The following PLOD1 variants were observed in gnomAD, a reference collection of about 807,000 sequenced individuals.
PLOD1 encodes the protein procollagen-lysine,2-oxoglutarate 5-dioxygenase 1.
In PLOD1, 70 loss-of-function variants were observed where a neutral mutation model predicts 94.7. The ratio of observed to expected loss-of-function variants is 0.74; its 90% CI spans 0.61 to 0.90. The LOEUF (loss-of-function observed/expected upper bound fraction) is 0.90, where lower values mean the gene tolerates loss of function less well. PLOD1 is among the 40% of genes least tolerant of loss of function. The probability of loss-of-function intolerance (pLI) is 0.00; values close to 1 mark genes in which losing one functional copy is unlikely to be tolerated. For synonymous variants in PLOD1, 417 were observed against 400.2 expected (o/e 1.04, Z -0.50); for missense variants, 905 against 972.7 (o/e 0.93, Z 0.93).
chr1:11,974,883 G>T lies in PLOD1; in HGVS notation c.*75G>T, dbSNP rs1645893577. 1 of 1,476,532 alleles carries T rather than the reference G, an allele frequency of 6.8e-7. No homozygotes were observed. The highest frequency in any genetic ancestry group is 2.3e-5 in the East Asian group (1 of 44,238). 91.5% of individuals were successfully genotyped at this position (1,476,532 alleles called of 1,614,324 possible). A position where few individuals can be genotyped will look rare whatever the true frequency, so the allele number is the denominator to read the frequency against. On this transcript the variant is annotated 3_prime_UTR_variant, in exon 19 of 19. Coordinates refer to ENST00000196061, the MANE Select transcript of PLOD1 (RefSeq NM_000302.4). ...GCCCAGCAGCCTCTGGGACCTCGGG[G>T]TCCCAGGGAACCCAGTCCAGCCTCC...
rs77293127 is a variant in PLOD1 at position 11,939,374 on chromosome 1, G to A, written c.76+4519G>A. ...GGATGAAGGATGGGGGAGGGGAGAG[G>A]GCGGAAGGGCTTCATTCATTCCCGC... On this transcript the variant is annotated intron_variant, in intron 1 of 18. Transcript: ENST00000196061. Among the ~76,000 whole-genome samples, 264 of 152,222 alleles carry A rather than the reference G, an allele frequency of 1.7e-3. 2 individuals are homozygous for A. The highest frequency in any genetic ancestry group is 5.5e-3 in the African/African-American group (227 of 41,526).
chr1:11,942,853 T>G (rs1645624139), intron 1 of PLOD1, among the ~76,000 whole-genome samples: 1 of 152,078 alleles, frequency 6.6e-6, no homozygotes, highest in South Asian at 2.1e-4. Context: ...TTCCACAACC[T>G]CTCTTGTGAT....
chr1:11,969,820 C>T (rs1645847940), intron 16 of PLOD1, among the ~76,000 whole-genome samples: 1 of 152,174 alleles, frequency 6.6e-6, no homozygotes, highest in Admixed American at 6.5e-5. Context: ...TCAGTATCCT[C>T]CTTTAGCCAG....
intron 3 of PLOD1, 63 bp from the exon 4 acceptor site, chr1:11,950,294 G>GTGCCCTCACTGGGCCCC: frequency 6.6e-7 from 1 of 1,513,070 alleles, no homozygotes; most frequent in Non-Finnish European, 9.2e-7. Flanking sequence ...CCTCCTGTCT[G>GTGCCCTCACTGGGCCCC]TGCCCTCACT....
chr1:11,952,594 T>C (rs1645710646), intron 4 of PLOD1, 29 bp from the exon 5 acceptor site: 1 of 1,530,076 alleles, frequency 6.5e-7, no homozygotes, highest in African/African-American at 1.4e-5. Flanking sequence ...TAAGGGTCCG[T>C]CTTGGTGTCC....
In PLOD1 at chr1:11,936,085, T is replaced by C. The variant is rs145831088; in HGVS notation, c.76+1230T>C. Among the ~76,000 whole-genome samples, 260 of 152,234 alleles carry C rather than the reference T, an allele frequency of 1.7e-3. 6 individuals are homozygous for C. The East Asian group carries it at 0.045, about 26-fold the overall frequency. On this transcript the variant is annotated intron_variant, in intron 1 of 18. Coordinates refer to ENST00000196061, the MANE Select transcript of PLOD1 (RefSeq NM_000302.4). ...CTCAGGTGATCAGCCCACCTTGGTC[T>C]CCCAAAGTGTTGGGATTACAGGCGT...
chr1:11,953,174 G>A (rs773923051), intron 5 of PLOD1, among the ~76,000 whole-genome samples: 9 of 152,092 alleles, frequency 5.9e-5, no homozygotes, highest in Non-Finnish European at 5.9e-5. Flanking sequence ...TCGAGCCTCA[G>A]CGTCTCGAGT....
chr1:11,939,575 A>C (rs1006587687), intron 1 of PLOD1, among the ~76,000 whole-genome samples: 1 of 152,114 alleles, frequency 6.6e-6, no homozygotes, highest in Non-Finnish European at 1.5e-5. Context: ...CGCACACCCC[A>C]ACCAAGCCCT....
In PLOD1 at chr1:11,963,535, C is replaced by T; in HGVS notation, c.1101C>T (p.Asp367=). The part of the protein sequence containing the change: ...ANADARNMGA[D]LCRQDRSCTY... ...CCCTGTGTCCTCCTCCTTGCAGAGACCTGTGCCGGCAGGACCGCAGCTGCA... is the reference window on the plus strand; with the variant it reads ...CCCTGTGTCCTCCTCCTTGCAGAGATCTGTGCCGGCAGGACCGCAGCTGCA... Residue 367 remains aspartate, a synonymous_variant, in exon 11 of 19, where the codon GAC becomes GAT. Coordinates refer to ENST00000196061, the MANE Select transcript of PLOD1 (RefSeq NM_000302.4). This position sits in a 1 kb window ranked among gnomAD's most constrained non-coding sequence, Gnocchi z 4.3. 1 of 1,593,530 alleles carries T rather than the reference C, an allele frequency of 6.3e-7. No homozygotes were observed. Among genetic ancestry groups the T allele is most frequent in the Non-Finnish European group, 8.5e-7 (1 of 1,170,014 alleles).
rs761352524 is a variant in PLOD1, at chr1:11,970,778, C to T, written c.1864C>T (p.Pro622Ser). The T allele has an allele frequency of 5.6e-6, 9 of 1,610,350 alleles. No homozygotes were observed. The Admixed American group carries it at 1.0e-4, about 18-fold the overall frequency. The change falls in exon 17 of 19, where the codon CCC (proline) becomes TCC (serine). Residue 622 changes from proline (P) to serine (S), a missense_variant. Physicochemically the swap from Pro to Ser is moderately conservative, Grantham distance 74 (BLOSUM62 -1). Transcript: ENST00000196061. ...CAAATTCCTGCTGGAGTACATTGCG[C>T]CCATGACGGAGAAGCTCTACCCCGG... ...WHKFLLEYIA[P>S]MTEKLYPGYY... is the part of the protein sequence containing the mutation.
intron 9 of PLOD1, among the ~76,000 whole-genome samples, chr1:11,960,347 A>G (rs1645769216): frequency 1.3e-5 from 2 of 152,232 alleles, no homozygotes; most frequent in African/African-American, 2.4e-5. Context: ...GGCCACACCC[A>G]GGAATCAACA....
chr1:11,955,663 G>A (rs542791275), intron 6 of PLOD1, among the ~76,000 whole-genome samples: 32 of 151,774 alleles, frequency 2.1e-4, no homozygotes, highest in South Asian at 1.7e-3. Context: ...TTGCTCCATC[G>A]CCCAGGCTGG....
chr1:11,953,105 G>GA (rs748102535), intron 5 of PLOD1, among the ~76,000 whole-genome samples: 2 of 152,102 alleles, frequency 1.3e-5, no homozygotes, highest in Non-Finnish European at 2.9e-5. Flanking sequence ...GCCCAGGCTA[G>GA]AGTACAGTGG....
intron 1 of PLOD1, among the ~76,000 whole-genome samples, chr1:11,946,081 C>T (rs147584366): frequency 6.6e-6 from 1 of 152,258 alleles, no homozygotes; most frequent in East Asian, 1.9e-4. Context: ...TTTAATTACT[C>T]CAGCAGCCCT....
intron 1 of PLOD1, among the ~76,000 whole-genome samples, chr1:11,939,890 G>A (rs1490917145): frequency 1.3e-5 from 2 of 152,170 alleles, no homozygotes; most frequent in South Asian, 2.1e-4. Flanking sequence ...TTACAGGTGT[G>A]AGCCACCGCA....
chr1:11,954,234 C>CG (rs1053839138), intron 5 of PLOD1: 6 of 205,122 alleles, frequency 2.9e-5, no homozygotes, highest in African/African-American at 6.3e-5. Flanking sequence ...CTTTGGGAGG[C>CG]GGGGGGCGGG....
At chr1:11,935,628 C>CTTT (rs756545321) in intron 1 of PLOD1, among the ~76,000 whole-genome samples, 3 of 140,464 alleles carry the variant, frequency 2.1e-5, no homozygotes, top group Non-Finnish European at 3.1e-5. Context: ...AAAAGCAATT[C>CTTT]TTTTTTTTTT....
intron 11 of PLOD1, 106 bp from the exon 12 acceptor site, chr1:11,964,069 C>T (rs1645798237): frequency 9.5e-6 from 11 of 1,153,434 alleles, no homozygotes; most frequent in Non-Finnish European, 1.3e-5. Flanking sequence ...GCTTGGGGAT[C>T]CCTGCGTGCA....
In PLOD1 at chr1:11,958,392, C is replaced by T. The variant is rs945277344; in HGVS notation, c.844-124C>T. ...CCTGACTGGAGTTCCCCGGCCCGGG[C>T]ACCTTTCTTGGGAAGTCTACATGCT... On this transcript the variant is annotated intron_variant, in intron 8 of 18. Transcript: ENST00000196061. The surrounding 1 kb of genome is among the most constrained non-coding windows in gnomAD (Gnocchi z 4.3). The T allele has an allele frequency of 5.3e-6, 6 of 1,130,068 alleles. No homozygotes were observed. The highest frequency in any genetic ancestry group is 1.3e-5 in the South Asian group (1 of 76,002). 70.0% of individuals were successfully genotyped at this position (1,130,068 alleles called of 1,614,324 possible).
Sources: allele counts gnomAD v4.1 joint callset (sites outside exome capture counted in the v4.1 genomes callset), GRCh38; gene constraint gnomAD v4.1.1; non-coding constraint Gnocchi (gnomAD v3.1); transcripts MANE v1.5; gene names NCBI Gene and HGNC (gene_info 2026-07-23, HGNC 2026-07-21).